AFG2A: variants seen among roughly 807,000 people sequenced by gnomAD.
AFG2A encodes the protein AAA ATPase AFG2A.
the AFG2A span, among the ~76,000 whole-genome samples, chr4:123,043,008 T>C: frequency 1.3e-5 from 2 of 152,198 alleles, no homozygotes; most frequent in Non-Finnish European, 1.5e-5. Flanking sequence ...TAGGTTTCCA[T>C]TTGATATAAA....
chr4:123,176,951 G>A, the AFG2A span, among the ~76,000 whole-genome samples: 3 of 152,160 alleles, frequency 2.0e-5, no homozygotes, highest in African/African-American at 7.2e-5. Flanking sequence ...TGTTGATGCT[G>A]GTTAAAATAA....
chr4:123,122,774 T>A, the AFG2A span, among the ~76,000 whole-genome samples: 9 of 148,182 alleles, frequency 6.1e-5, no homozygotes, highest in Admixed American at 6.0e-4. Context: ...ATGTCATCTG[T>A]TTTTTTGTTT....
At chr4:123,182,957 C>T in the AFG2A span, among the ~76,000 whole-genome samples, 1 of 152,288 alleles carries the variant, frequency 6.6e-6, no homozygotes, top group Admixed American at 6.5e-5. Flanking sequence ...GGGAAGAAAA[C>T]AGAAATAACT....
chr4:123,007,598 G>GTGTGT, the AFG2A span, among the ~76,000 whole-genome samples: 1 of 8,638 alleles, frequency 1.2e-4, no homozygotes, highest in African/African-American at 4.6e-4. Context: ...GTGTGTGTGT[G>GTGTGT]TGTGTGTGTG....
chr4:122,986,758 C>T, the AFG2A span, among the ~76,000 whole-genome samples: 15 of 152,088 alleles, frequency 9.9e-5, no homozygotes, highest in Admixed American at 1.3e-4. Context: ...ATTAAAAATA[C>T]TAATAATTAA....
the AFG2A span, among the ~76,000 whole-genome samples, chr4:123,046,903 G>A: frequency 2.6e-5 from 4 of 152,016 alleles, no homozygotes; most frequent in South Asian, 2.1e-4. Context: ...TGTCTTTTCT[G>A]TGCCTAGCTT....
chr4:123,034,636 A>G, the AFG2A span, among the ~76,000 whole-genome samples: 1 of 151,600 alleles, frequency 6.6e-6, no homozygotes, highest in South Asian at 2.1e-4. Context: ...CTTTAGTTTA[A>G]TAATAATATC....
At chr4:123,144,578 C>T in the AFG2A span, among the ~76,000 whole-genome samples, 3 of 152,018 alleles carry the variant, frequency 2.0e-5, no homozygotes, top group East Asian at 5.8e-4. Context: ...CTGTTGTAAA[C>T]CACACAGTAA....
chr4:123,043,667 C>T, the AFG2A span, among the ~76,000 whole-genome samples: 1 of 152,032 alleles, frequency 6.6e-6, no homozygotes, highest in African/African-American at 2.4e-5. Context: ...AATGGGTGCC[C>T]TTTAAAAATT....
the AFG2A span, among the ~76,000 whole-genome samples, chr4:123,209,585 A>AT: frequency 2.3e-5 from 2 of 86,400 alleles, no homozygotes; most frequent in South Asian, 3.1e-4. Context: ...ATGCATCAAG[A>AT]ATTTTTTTTT....
chr4:123,021,075 G>C, the AFG2A span, among the ~76,000 whole-genome samples: 1 of 151,884 alleles, frequency 6.6e-6, no homozygotes, highest in Non-Finnish European at 1.5e-5. Context: ...TTTTAATTTG[G>C]ATGTTTTGGC....
chr4:123,170,534 A>C, the AFG2A span, among the ~76,000 whole-genome samples: 513 of 152,250 alleles, frequency 3.4e-3, no homozygotes, highest in African/African-American at 0.012. Flanking sequence ...GTATGATCCT[A>C]TATCTTTTAA....
At chr4:123,318,037 A>G in the AFG2A span, 1 of 152,148 alleles carries the variant, frequency 6.6e-6, no homozygotes, top group Non-Finnish European at 1.5e-5. Flanking sequence ...CTTTTTGTGT[A>G]CCTAAATATT....
At chr4:123,020,368 G>A in the AFG2A span, among the ~76,000 whole-genome samples, 6 of 150,596 alleles carry the variant, frequency 4.0e-5, no homozygotes, top group African/African-American at 1.2e-4. Context: ...ATGTGTATGT[G>A]GTTTTTTTTT....
chr4:122,927,422 GTTAATAC>G, the AFG2A span, among the ~76,000 whole-genome samples: 3 of 152,124 alleles, frequency 2.0e-5, no homozygotes, highest in African/African-American at 4.8e-5. Context: ...CTTCTTTTTA[GTTAATAC>G]TTAATATGTT....
chr4:123,159,982 G>T, the AFG2A span, among the ~76,000 whole-genome samples: 1 of 152,218 alleles, frequency 6.6e-6, no homozygotes, highest in African/African-American at 2.4e-5. Context: ...TCTAACATGG[G>T]TGTGAATAAT....
At chr4:123,177,003 G>T in the AFG2A span, among the ~76,000 whole-genome samples, 1 of 152,088 alleles carries the variant, frequency 6.6e-6, no homozygotes, top group Admixed American at 6.5e-5. Flanking sequence ...AATATTTCTT[G>T]TGGGAACTTG....
At chr4:122,927,799 T>C in the AFG2A span, 1 of 1,602,606 alleles carries the variant, frequency 6.2e-7, no homozygotes, top group Non-Finnish European at 8.5e-7. Context: ...AAATACAAAC[T>C]GAACATTGCA....
At chr4:123,244,134 C>T in the AFG2A span, among the ~76,000 whole-genome samples, 95,548 of 151,774 alleles carry the variant, frequency 0.63, 30,911 homozygotes, top group Admixed American at 0.69. Context: ...AGACAAGGTA[C>T]CAGAGACAAG....
Sources: gnomAD v4.1 joint callset for allele counts (sites outside exome capture counted in the v4.1 genomes callset) on GRCh38, gnomAD v4.1.1 for gene constraint, MANE v1.5 for transcripts, NCBI Gene and HGNC (gene_info 2026-07-23, HGNC 2026-07-21) for gene names.